GRAMD2B: variants seen among roughly 807,000 people sequenced by gnomAD.
GRAMD2B encodes the protein GRAM domain containing 2B, also known as GRAM domain-containing protein 2B.
In GRAMD2B, 41 loss-of-function variants were observed where a neutral mutation model predicts 59.2. The ratio of observed to expected loss-of-function variants is 0.69; its 90% CI spans 0.54 to 0.90. The LOEUF (loss-of-function observed/expected upper bound fraction) is 0.90. GRAMD2B is among the 40% of genes least tolerant of loss of function. GRAMD2B has a pLI of 0.00. For missense variants in GRAMD2B, 424 were observed against 500.5 expected (o/e 0.85, Z 1.46); for synonymous variants, 161 against 182.7 (o/e 0.88, Z 0.96).
intron 1 of GRAMD2B, among the ~76,000 whole-genome samples, chr5:126,464,278 C>G (rs116200145): frequency 0.01 from 1,576 of 152,344 alleles, 37 homozygotes; most frequent in African/African-American, 0.036. Flanking sequence ...TAGCTAATCT[C>G]TCATAGCAAT....
At chr5:126,484,358 T>C in intron 9 of GRAMD2B, 44 bp from the exon 10 acceptor site, 1 of 1,581,574 alleles carries the variant, frequency 6.3e-7, no homozygotes, top group Non-Finnish European at 8.6e-7. Context: ...TGTTTTTAAA[T>C]ACATTGGAGA....
chr5:126,360,830 G>A (rs1265273132), intron 1 of GRAMD2B, among the ~76,000 whole-genome samples: 2 of 152,226 alleles, frequency 1.3e-5, no homozygotes, highest in Non-Finnish European at 1.5e-5. Context: ...CTATGTGTTC[G>A]GGAGAACTCA....
At chr5:126,457,982 G>A (rs1273420607) in intron 1 of GRAMD2B, among the ~76,000 whole-genome samples, 3 of 152,138 alleles carry the variant, frequency 2.0e-5, no homozygotes, top group African/African-American at 7.2e-5. Flanking sequence ...TTTAGATTTT[G>A]TTTTTCTTGT....
chr5:126,423,839 C>T lies in GRAMD2B; in HGVS notation c.83+150C>T, dbSNP rs992091519. On this transcript the variant is annotated intron_variant, in intron 1 of 13. Transcript: ENST00000285689. ...GCGCTCTCTCTGTCTCTCACTCTCT[C>T]TCTCTGTCTAGATATTCAGTTAAGG... 6.1e-6 allele frequency: 4 copies of T among 659,972 alleles called. No homozygotes were observed. The Admixed American group carries it at 1.4e-4, about 23-fold the overall frequency. 40.9% of individuals were successfully genotyped at this position (659,972 alleles called of 1,614,324 possible).
In GRAMD2B at chr5:126,487,273, A is replaced by G. The variant is rs111343308; in HGVS notation, c.1163+296A>G. Among the ~76,000 whole-genome samples, 317 of 152,336 alleles carry G rather than the reference A, an allele frequency of 2.1e-3. 3 individuals carry two copies. Among genetic ancestry groups the G allele is most frequent in the African/African-American group, 6.9e-3 (288 of 41,576 alleles). ...CAGTTGTGACCTTGCCCCATTTATT[A>G]AACTACACAAGTTTACCTTAGTAAA... is the stretch of plus-strand genomic sequence containing the variant. On this transcript the variant is annotated intron_variant, in intron 12 of 13. Coordinates refer to ENST00000285689, the MANE Select transcript of GRAMD2B (RefSeq NM_023927.4).
intron 1 of GRAMD2B, among the ~76,000 whole-genome samples, chr5:126,427,040 G>A (rs941181776): frequency 2.0e-5 from 3 of 152,020 alleles, no homozygotes; most frequent in Non-Finnish European, 4.4e-5. Context: ...TTTAATAGTC[G>A]TAGCGTAGCC....
chr5:126,391,149 T>A lies in GRAMD2B; in HGVS notation c.125+19582T>A, dbSNP rs557292366. Among the ~76,000 whole-genome samples, 7 of 152,014 alleles carry A rather than the reference T, an allele frequency of 4.6e-5. No individual in the cohort carries two copies. In the South Asian group the frequency reaches 1.5e-3, roughly 32 times the overall value. ...TGAGGTCAGGAGTTTGAGACCAGCC[T>A]GGCCAACATGGTAAAACCCCATTTC... is the stretch of plus-strand genomic sequence containing the variant. On this transcript the variant is annotated intron_variant, in intron 1 of 8. Transcript: ENST00000506445.
intron 1 of GRAMD2B, among the ~76,000 whole-genome samples, chr5:126,404,556 C>G (rs956341442): frequency 6.6e-6 from 1 of 151,852 alleles, no homozygotes; most frequent in Non-Finnish European, 1.5e-5. Context: ...GGAGAAAATG[C>G]CAGCCTGGAA....
chr5:126,470,510 T>TC (rs1375165083), intron 3 of GRAMD2B, among the ~76,000 whole-genome samples: 4 of 152,210 alleles, frequency 2.6e-5, no homozygotes, highest in Admixed American at 6.5e-5. Flanking sequence ...GGTGTTTTTT[T>TC]CCTCTTCAGG....
chr5:126,481,744 G>C (rs1432290776), intron 8 of GRAMD2B, among the ~76,000 whole-genome samples: 1 of 151,998 alleles, frequency 6.6e-6, no homozygotes, highest in African/African-American at 2.4e-5. Context: ...GAGGCGGGTG[G>C]ATCACAAGGT....
chr5:126,389,766 A>G (rs1276762136), intron 1 of GRAMD2B, among the ~76,000 whole-genome samples: 4 of 152,068 alleles, frequency 2.6e-5, no homozygotes, highest in Non-Finnish European at 5.9e-5. Context: ...TGGCCAACAT[A>G]GTAAAACCTC....
intron 10 of GRAMD2B, among the ~76,000 whole-genome samples, chr5:126,485,008 G>T (rs1302253044): frequency 6.6e-6 from 1 of 152,162 alleles, no homozygotes; most frequent in Non-Finnish European, 1.5e-5. Flanking sequence ...CGTGCTTACA[G>T]TGGGGGATAC....
At chr5:126,448,034 A>AT (rs56755594) in intron 1 of GRAMD2B, among the ~76,000 whole-genome samples, 3 of 151,220 alleles carry the variant, frequency 2.0e-5, no homozygotes, top group African/African-American at 4.9e-5. Context: ...TAATTTTTGT[A>AT]TTTTTTAGTA....
chr5:126,422,418 C>T (rs879291723), upstream of GRAMD2B, among the ~76,000 whole-genome samples: 6 of 152,178 alleles, frequency 3.9e-5, no homozygotes, highest in Admixed American at 6.5e-5. Context: ...ATGCTAGTCT[C>T]GAACTCCTGA....
intron 1 of GRAMD2B, among the ~76,000 whole-genome samples, chr5:126,461,417 T>C (rs1244662372): frequency 2.0e-5 from 3 of 152,216 alleles, no homozygotes; most frequent in Non-Finnish European, 4.4e-5. Context: ...CTGATAGGGA[T>C]TGTACAACCT....
chr5:126,432,140 A>G (rs986631083), intron 1 of GRAMD2B, among the ~76,000 whole-genome samples: 4 of 151,640 alleles, frequency 2.6e-5, no homozygotes, highest in African/African-American at 9.7e-5. Flanking sequence ...TGTTACTCAG[A>G]CTGGTCTTGA....
chr5:126,447,058 G>A lies in GRAMD2B; in HGVS notation c.84-18368G>A, dbSNP rs141771053. 2.3e-4 allele frequency among the ~76,000 whole-genome samples: 35 copies of A among 152,254 alleles called. 1 individual carries two copies. The highest frequency in any genetic ancestry group is 9.6e-4 in the East Asian group (5 of 5,188). On this transcript the variant is annotated intron_variant, in intron 1 of 13. Transcript: ENST00000285689. ...ACTCCACTACCTTTCACCTAGTTTC[G>A]TGGGAAGAAATGGTAAAGCTCCCTC...
intron 1 of GRAMD2B, among the ~76,000 whole-genome samples, chr5:126,425,474 T>G (rs1233242913): frequency 6.6e-6 from 1 of 152,162 alleles, no homozygotes; most frequent in Non-Finnish European, 1.5e-5. Flanking sequence ...CTGAAAAAGT[T>G]GACTCAGGCC....
intron 8 of GRAMD2B, among the ~76,000 whole-genome samples, chr5:126,481,688 C>T (rs1310730464): frequency 1.3e-5 from 2 of 152,112 alleles, no homozygotes; most frequent in Non-Finnish European, 2.9e-5. Flanking sequence ...AAATTAAGGG[C>T]CAGGCGCAGT....
Sources: gnomAD v4.1 joint callset for allele counts (sites outside exome capture counted in the v4.1 genomes callset) on GRCh38, gnomAD v4.1.1 for gene constraint, MANE v1.5 for transcripts, NCBI Gene and HGNC (gene_info 2026-07-23, HGNC 2026-07-21) for gene names.